The following UBE2E2 variants were observed in gnomAD, a reference collection of about 807,000 sequenced individuals.
The protein encoded by UBE2E2 is ubiquitin-conjugating enzyme E2 E2.
A neutral mutation model predicts 24.7 loss-of-function variants in UBE2E2; 6 were observed. The observed-to-expected ratio is 0.24, with a 90% CI of 0.13 to 0.48. The LOEUF is 0.48. Ranked by LOEUF, UBE2E2 falls within the 20% of genes least tolerant of loss-of-function variation. The pLI is 0.99. For synonymous variants in UBE2E2, 104 were observed against 83.6 expected, an observed-to-expected ratio of 1.24 and a Z score of -1.33; for missense variants, 169 against 245.0, an observed-to-expected ratio of 0.69 and a Z score of 2.07.
intron 5 of UBE2E2, among the ~76,000 whole-genome samples, chr3:23,578,305 A>G (rs568393165): frequency 6.6e-6 from 1 of 152,350 alleles, no homozygotes; most frequent in South Asian, 2.1e-4. Context: ...CATTGCAGAG[A>G]AAAAGGAATG....
intron 3 of UBE2E2, among the ~76,000 whole-genome samples, chr3:23,486,133 G>C (rs1699363154): frequency 1.3e-5 from 2 of 152,208 alleles, no homozygotes; most frequent in Non-Finnish European, 2.9e-5. Flanking sequence ...GGGTGAGCCA[G>C]GCACAAAGTG....
At chr3:23,309,783 G>GT (rs1399097376) in intron 3 of UBE2E2, among the ~76,000 whole-genome samples, 1 of 152,132 alleles carries the variant, frequency 6.6e-6, no homozygotes, top group Non-Finnish European at 1.5e-5. Context: ...GCTCAGTCAC[G>GT]TTCCTGCCAG....
At position 23,208,894 on chromosome 3, in the gene UBE2E2, C is replaced by A. The variant is rs1364982699; in HGVS notation, c.176+19C>A. The A allele has an allele frequency of 1.3e-6, 2 of 1,577,408 alleles. No individual in the cohort carries two copies. The highest frequency in any genetic ancestry group is 3.6e-5 in the Admixed American group (2 of 54,934). ...CTAAAAGGTACTTCAGTTATTATAA[C>A]CTTTTTATTGTTGGTATCAATTTAT... On this transcript the variant is annotated intron_variant, in intron 2 of 5. Transcript: ENST00000396703.
At chr3:23,206,508 G>A (rs1177666998) in intron 1 of UBE2E2, among the ~76,000 whole-genome samples, 6 of 152,166 alleles carry the variant, frequency 3.9e-5, no homozygotes, top group Non-Finnish European at 7.3e-5. Context: ...AAAGTAGTCA[G>A]CTTTTCCGTT....
intron 3 of UBE2E2, among the ~76,000 whole-genome samples, chr3:23,224,559 G>A (rs1375645673): frequency 6.8e-6 from 1 of 147,290 alleles, no homozygotes; most frequent in Non-Finnish European, 1.5e-5. Context: ...TTTTTTTTTT[G>A]GTAGAGTCTT....
At position 23,217,338 on chromosome 3, in the gene UBE2E2, C is replaced by T. The variant is rs375268809; in HGVS notation, c.227+26C>T. Reference sequence around the variant, plus strand: ...GTAAGTACTCATGGTTTTTTATTTACTTGTATCTTTTGCAGAAGGTGCATT... The same window carrying T: ...GTAAGTACTCATGGTTTTTTATTTATTTGTATCTTTTGCAGAAGGTGCATT... On this transcript the variant is annotated intron_variant, in intron 3 of 5. Coordinates refer to ENST00000396703, the MANE Select transcript of UBE2E2 (RefSeq NM_152653.4). 13 of 1,606,834 alleles carry T rather than the reference C, an allele frequency of 8.1e-6. No homozygotes were observed. In the African/African-American group the frequency reaches 1.6e-4, roughly 20 times the overall value.
chr3:23,589,034 G>A lies in UBE2E2; in HGVS notation c.509-700G>A, dbSNP rs1468429668. ...TGCCTGTGGTGCTAGCCTAGGGTAA[G>A]GAGTTGTCCAGACCGCCAAACGTCT... On this transcript the variant is annotated intron_variant, in intron 5 of 5. Coordinates refer to ENST00000396703, the MANE Select transcript of UBE2E2 (RefSeq NM_152653.4). This position sits in a 1 kb window ranked among gnomAD's most constrained non-coding sequence, Gnocchi z 4.1. Among the ~76,000 whole-genome samples, 1 of 152,052 alleles carries A rather than the reference G, an allele frequency of 6.6e-6. No individual in the cohort carries two copies. The highest frequency in any genetic ancestry group is 2.4e-5 in the African/African-American group (1 of 41,400).
intron 3 of UBE2E2, among the ~76,000 whole-genome samples, chr3:23,389,130 C>T (rs755200302): frequency 9.9e-5 from 15 of 152,272 alleles, no homozygotes; most frequent in South Asian, 2.1e-4. Context: ...GATATGAAGA[C>T]GCTTACCTCC....
At chr3:23,397,758 A>C (rs1697113639) in intron 3 of UBE2E2, among the ~76,000 whole-genome samples, 2 of 152,166 alleles carry the variant, frequency 1.3e-5, no homozygotes, top group Admixed American at 1.3e-4. Flanking sequence ...TAGCACATTT[A>C]TCTATTTCAC....
chr3:23,459,815 A>G (rs1698769447), intron 3 of UBE2E2, among the ~76,000 whole-genome samples: 1 of 152,236 alleles, frequency 6.6e-6, no homozygotes, highest in African/African-American at 2.4e-5. Flanking sequence ...GCAGGCCAGA[A>G]TGAAGCCCCC....
intron 4 of UBE2E2, among the ~76,000 whole-genome samples, chr3:23,527,923 T>G (rs941448197): frequency 7.9e-5 from 12 of 151,706 alleles, no homozygotes; most frequent in Non-Finnish European, 4.4e-5. Context: ...CCAGTAAAGG[T>G]AAGTAAAACG....
intron 3 of UBE2E2, among the ~76,000 whole-genome samples, chr3:23,452,750 T>C (rs1195717455): frequency 6.6e-6 from 1 of 152,116 alleles, no homozygotes; most frequent in Non-Finnish European, 1.5e-5. Flanking sequence ...AAGGAGGGTA[T>C]GTCAGGAGGT....
At chr3:23,395,300 G>A (rs1262423742) in intron 3 of UBE2E2, among the ~76,000 whole-genome samples, 1 of 152,208 alleles carries the variant, frequency 6.6e-6, no homozygotes, top group Non-Finnish European at 1.5e-5. Context: ...TCGCTTTGAG[G>A]TGGAGTTTCA....
At chr3:23,297,192 G>GT (rs1698936229) in intron 3 of UBE2E2, among the ~76,000 whole-genome samples, 2 of 152,040 alleles carry the variant, frequency 1.3e-5, no homozygotes, top group African/African-American at 2.4e-5. Context: ...TGAGATCATT[G>GT]TAGATTCTGG....
chr3:23,498,444 T>C (rs1177055642), intron 3 of UBE2E2, among the ~76,000 whole-genome samples: 1 of 152,204 alleles, frequency 6.6e-6, no homozygotes, highest in Non-Finnish European at 1.5e-5. Flanking sequence ...TAAAATCAAC[T>C]TGTCGAGTTT....
chr3:23,541,764 G>T (rs1297147089), intron 5 of UBE2E2, among the ~76,000 whole-genome samples: 1 of 152,194 alleles, frequency 6.6e-6, no homozygotes, highest in Non-Finnish European at 1.5e-5. Context: ...TATTGTTTGT[G>T]CTATTCAAGT....
At chr3:23,518,800 CT>C (rs1202224541) in intron 4 of UBE2E2, among the ~76,000 whole-genome samples, 2 of 152,124 alleles carry the variant, frequency 1.3e-5, no homozygotes, top group East Asian at 3.8e-4. Context: ...CTCCCCCTCC[CT>C]TATTTCTGTT....
chr3:23,378,479 C>G (rs992169634), intron 3 of UBE2E2, among the ~76,000 whole-genome samples: 2 of 152,094 alleles, frequency 1.3e-5, no homozygotes, highest in African/African-American at 2.4e-5. Context: ...TGCTATGTGG[C>G]CAAACCCTGT....
rs142255507 is a variant in UBE2E2, at chr3:23,447,664, A to G, written c.228-51944A>G. Among the ~76,000 whole-genome samples the G allele has an allele frequency of 1.3e-3, 205 of 152,296 alleles. 9 individuals carry two copies. The South Asian group carries it at 0.041, about 30-fold the overall frequency. On this transcript the variant is annotated intron_variant, in intron 3 of 5. Transcript: ENST00000396703. The stretch of plus-strand genomic sequence containing the variant: ...AGTTTTAGTAATTCTTTTTTTGTTC[A>G]TGTAATCCTTTCTTTGTGCTCAAGT...
Sources: gnomAD v4.1 joint callset for allele counts (sites outside exome capture counted in the v4.1 genomes callset) on GRCh38, gnomAD v4.1.1 for gene constraint, Gnocchi (gnomAD v3.1) non-coding constraint, MANE v1.5 for transcripts, NCBI Gene and HGNC (gene_info 2026-07-23, HGNC 2026-07-21) for gene names.